The following SAMD15 variants were observed in gnomAD, a reference collection of about 807,000 sequenced individuals.
SAMD15 encodes the protein sterile alpha motif domain containing 15.
In SAMD15, 37 loss-of-function variants were observed where a neutral mutation model predicts 50.5. That is an observed-to-expected ratio of 0.73 (90% CI 0.56 to 0.96). The LOEUF (loss-of-function observed/expected upper bound fraction) is 0.96, where lower values mean the gene tolerates loss of function less well. Ranked by LOEUF, SAMD15 falls within the 40% of genes least tolerant of loss-of-function variation. The probability of loss-of-function intolerance (pLI) is 0.00; values close to 1 mark genes in which losing one functional copy is unlikely to be tolerated. For synonymous variants in SAMD15, 255 were observed against 282.8 expected (o/e 0.90, Z 0.99); for missense variants, 789 against 783.8 (o/e 1.01, Z -0.08).
intron 1 of SAMD15, 80 bp downstream of exon 1, chr14:77,379,187 T>G: frequency 1.6e-6 from 2 of 1,285,656 alleles, no homozygotes; most frequent in Non-Finnish European, 2.2e-6. Context: ...CCTGAGCTCT[T>G]ACCTCTTTAC....
Position 77,379,111 on chromosome 14 carries a change from T to C in SAMD15, c.1689+4T>C. On this transcript the variant is annotated splice_donor_region_variant and intron_variant, in intron 1 of 2. Transcript: ENST00000216471. The stretch of plus-strand genomic sequence containing the variant: ...GCTAGGCTTCCCTCAATACAAGGTA[T>C]ACAAAAATAAGATGTTTTGAAATCA... 6.2e-7 allele frequency: 1 copy of C among 1,606,514 alleles called. No homozygotes were observed. The highest frequency in any genetic ancestry group is 2.2e-5 in the East Asian group (1 of 44,832).
chr14:77,377,724 G>T lies in SAMD15; in HGVS notation c.306G>T (p.Gly102=). Residue 102 remains glycine (G), a synonymous_variant, in exon 1 of 3, where the codon GGG becomes GGT. Coordinates refer to ENST00000216471, the MANE Select transcript of SAMD15 (RefSeq NM_001010860.4). ...ACGTACCAAGCGAAACTGAACCAGG[G>T]ATACACCAAGAGGTAAAGTCGGAAA... is the stretch of plus-strand genomic sequence containing the variant. ...KRDVPSETEP[G]IHQEVKSETS... 6.2e-7 allele frequency: 1 copy of T among 1,614,196 alleles called. No individual in the cohort carries two copies. The highest frequency in any genetic ancestry group is 2.2e-5 in the East Asian group (1 of 44,888).
intron 2 of SAMD15, among the ~76,000 whole-genome samples, chr14:77,383,325 T>A (rs1893967647): frequency 6.6e-6 from 1 of 152,220 alleles, no homozygotes; most frequent in Non-Finnish European, 1.5e-5. Flanking sequence ...AATTTCAGCT[T>A]TTTATCATGA....
At chr14:77,379,734 G>T (rs1594860756) in intron 1 of SAMD15, among the ~76,000 whole-genome samples, 1 of 152,190 alleles carries the variant, frequency 6.6e-6, no homozygotes, top group African/African-American at 2.4e-5. Flanking sequence ...AGTAGACTTT[G>T]TTCAAGGTAG....
chr14:77,382,173 G>C (rs1161734416), intron 2 of SAMD15, among the ~76,000 whole-genome samples: 1 of 151,078 alleles, frequency 6.6e-6, no homozygotes, highest in Admixed American at 6.6e-5. Flanking sequence ...TGCCCAGGCT[G>C]GAGTGCAGTG....
chr14:77,389,222 A>G (rs780888416), intron 2 of SAMD15, among the ~76,000 whole-genome samples: 10 of 152,196 alleles, frequency 6.6e-5, no homozygotes, highest in Non-Finnish European at 1.5e-4. Context: ...GATCTGAGAA[A>G]CATGGCATCT....
rs560008342 is a variant in SAMD15, at chr14:77,389,441, CA to C, written c.1789-1566del. Among the ~76,000 whole-genome samples the C allele has an allele frequency of 4.5e-3, 674 of 150,392 alleles. 2 individuals are homozygous for C. The highest frequency in any genetic ancestry group is 0.01 in the Middle Eastern group (3 of 286). On this transcript the variant is annotated intron_variant, in intron 2 of 2. Coordinates refer to ENST00000216471, the MANE Select transcript of SAMD15 (RefSeq NM_001010860.4). Reference sequence around the variant, plus strand: ...TCCAGAGGCAGAATATGAATTCAAACAGTGGTATTATAACTGACCTAGGATT... The same window carrying C: ...TCCAGAGGCAGAATATGAATTCAAACGTGGTATTATAACTGACCTAGGATT...
intron 2 of SAMD15, among the ~76,000 whole-genome samples, chr14:77,390,140 C>T (rs1345123615): frequency 6.6e-6 from 1 of 151,540 alleles, no homozygotes; most frequent in African/African-American, 2.4e-5. Flanking sequence ...GGATCACAGG[C>T]GTCTGCCACC....
Position 77,378,791 on chromosome 14 carries a change from A to C in SAMD15, c.1373A>C (p.Glu458Ala), listed in dbSNP as rs1252999998. 2 of 1,612,516 alleles carry C rather than the reference A, an allele frequency of 1.2e-6. No homozygotes were observed. The highest frequency in any genetic ancestry group is 1.7e-6 in the Non-Finnish European group (2 of 1,179,608). Residue 458 changes from glutamate to alanine, a missense_variant, in exon 1 of 3, where the codon GAA becomes GCA. Physicochemically the swap from Glu to Ala is moderately radical, Grantham distance 107. Coordinates refer to ENST00000216471, the MANE Select transcript of SAMD15 (RefSeq NM_001010860.4). ...KLSLSDKFRKEYYALGSLRES... is the reference protein window; with the variant it reads ...KLSLSDKFRKAYYALGSLRES... Reference sequence around the variant, plus strand: ...TCACTAAGTGACAAATTTAGAAAAGAATATTACGCATTAGGATCTCTCAGA... The same window carrying C: ...TCACTAAGTGACAAATTTAGAAAAGCATATTACGCATTAGGATCTCTCAGA...
At chr14:77,387,916 A>C (rs1382462715) in intron 2 of SAMD15, among the ~76,000 whole-genome samples, 1 of 152,080 alleles carries the variant, frequency 6.6e-6, no homozygotes, top group African/African-American at 2.4e-5. Flanking sequence ...GTTGTCATGC[A>C]TCTGTTGTCC....
chr14:77,381,892 C>A (rs1594861380), intron 2 of SAMD15, among the ~76,000 whole-genome samples: 1 of 152,058 alleles, frequency 6.6e-6, no homozygotes, highest in Non-Finnish European at 1.5e-5. Context: ...AAAGGTGAAA[C>A]AACTTAACAA....
intron 2 of SAMD15, 56 bp from the exon 3 acceptor site, chr14:77,390,952 T>G: frequency 9.7e-7 from 1 of 1,029,086 alleles, no homozygotes; most frequent in Non-Finnish European, 1.5e-6. Flanking sequence ...TAAACCTTCT[T>G]TGATTTGGTT....
At chr14:77,389,496 A>ATTT (rs768983521) in intron 2 of SAMD15, among the ~76,000 whole-genome samples, 16,082 of 111,486 alleles carry the variant, frequency 0.14, 1,912 homozygotes, top group African/African-American at 0.28. Flanking sequence ...GGCAATCACA[A>ATTT]TTTTTTTTTT....
At chr14:77,384,036 T>A (rs958839206) in intron 2 of SAMD15, among the ~76,000 whole-genome samples, 1 of 150,008 alleles carries the variant, frequency 6.7e-6, no homozygotes, top group Non-Finnish European at 1.5e-5. Context: ...GGGTAACTTC[T>A]AGGAGGTCAT....
rs549203261 is a variant in SAMD15, at chr14:77,380,865, C to G, written c.1788+384C>G. Among the ~76,000 whole-genome samples the G allele has an allele frequency of 3.5e-4, 54 of 152,226 alleles. 2 individuals carry two copies. In the Middle Eastern group the frequency reaches 0.027, roughly 77 times the overall value. On this transcript the variant is annotated intron_variant, in intron 2 of 2. Coordinates refer to ENST00000216471, the MANE Select transcript of SAMD15 (RefSeq NM_001010860.4). ...TACTATTCAAAAACCTTCTTTGGAT[C>G]CCTTCTGCTTACCAAGATAGTCTCC... is the stretch of plus-strand genomic sequence containing the variant.
Position 77,391,368 on chromosome 14 carries a change from C to G in SAMD15, c.*124C>G. 1.6e-6 allele frequency: 1 copy of G among 639,920 alleles called. No homozygotes were observed. The highest frequency in any genetic ancestry group is 2.6e-6 in the Non-Finnish European group (1 of 381,258). The allele number at this position is 639,920 out of a possible 1,614,324, so 39.6% of individuals were successfully genotyped here. A position where few individuals can be genotyped will look rare whatever the true frequency, so the allele number is the denominator to read the frequency against. On this transcript the variant is annotated 3_prime_UTR_variant, in exon 3 of 3. Transcript: ENST00000216471. ...TATTTTTTTGAGACAGAGTCTTGCT[C>G]TGTCGCCCAGGCTGGAGTGCAATGG...
chr14:77,381,319 A>G (rs993708466), intron 2 of SAMD15, among the ~76,000 whole-genome samples: 5 of 152,222 alleles, frequency 3.3e-5, no homozygotes, highest in African/African-American at 1.2e-4. Flanking sequence ...TCTCCTTTGC[A>G]TAACAGTACC....
chr14:77,379,655 T>C (rs936860624), intron 1 of SAMD15, among the ~76,000 whole-genome samples: 5 of 152,176 alleles, frequency 3.3e-5, no homozygotes, highest in Admixed American at 2.0e-4. Context: ...CCTCCCAAAG[T>C]GCTGGGATTA....
intron 1 of SAMD15, among the ~76,000 whole-genome samples, chr14:77,379,612 C>T (rs1227817079): frequency 2.6e-5 from 4 of 152,130 alleles, no homozygotes; most frequent in African/African-American, 9.7e-5. Flanking sequence ...AGGATGGTCT[C>T]CATCTCCTGA....
Sources: gnomAD v4.1 joint callset for allele counts (sites outside exome capture counted in the v4.1 genomes callset) on GRCh38, gnomAD v4.1.1 for gene constraint, MANE v1.5 for transcripts, NCBI Gene and HGNC (gene_info 2026-07-23, HGNC 2026-07-21) for gene names.